The following FHIT variants were observed in gnomAD, a reference collection of about 807,000 sequenced individuals.
FHIT encodes the protein fragile histidine triad diadenosine triphosphatase, also known as bis(5'-adenosyl)-triphosphatase.
In FHIT, 19 loss-of-function variants were observed where a neutral mutation model predicts 17.9. The ratio of observed to expected loss-of-function variants is 1.06; its 90% CI spans 0.74 to 1.56. FHIT has a LOEUF of 1.56. Among genes scored for constraint, FHIT ranks in the 40% most tolerant of loss-of-function variants. The pLI, the probability that FHIT is intolerant of heterozygous loss-of-function variation, is 0.00. For synonymous variants in FHIT, 81 were observed against 69.7 expected (o/e 1.16, Z -0.81); for missense variants, 248 against 189.2 (o/e 1.31, Z -1.82).
At chr3:60,206,057 C>A (rs534020087) in intron 5 of FHIT, among the ~76,000 whole-genome samples, 68 of 149,920 alleles carry the variant, frequency 4.5e-4, no homozygotes, top group African/African-American at 1.5e-3. Flanking sequence ...GGCGTGAACC[C>A]GGGAGGCGGA....
intron 3 of FHIT, among the ~76,000 whole-genome samples, chr3:60,936,567 T>C (rs1559846312): frequency 6.6e-6 from 1 of 152,230 alleles, no homozygotes; most frequent in Admixed American, 6.5e-5. Flanking sequence ...AGAGTTAAAT[T>C]ATTGATCTAC....
chr3:59,748,619 T>TAAG lies in FHIT; in HGVS notation c.*963_*965dup, dbSNP rs1700721408. 6.6e-6 allele frequency among the ~76,000 whole-genome samples: 1 copy of TAAG among 152,008 alleles called. No individual in the cohort carries two copies. Among genetic ancestry groups the TAAG allele is most frequent in the Non-Finnish European group, 1.5e-5 (1 of 67,982 alleles). ...AGGCCAGTAGATAAGGTGAAGAGGC[T>TAAG]AAGAAGACTATTTGGAGGGTACAAG... is the stretch of plus-strand genomic sequence containing the variant. On this transcript the variant is annotated 3_prime_UTR_variant, in exon 10 of 10. Coordinates refer to ENST00000492590, the MANE Select transcript of FHIT (RefSeq NM_002012.4).
In FHIT at chr3:60,325,170, C is replaced by T. The variant is rs141174092; in HGVS notation, c.103+211690G>A. 3.7e-3 allele frequency among the ~76,000 whole-genome samples: 565 copies of T among 151,980 alleles called. 3 individuals are homozygous for T. Among genetic ancestry groups the T allele is most frequent in the African/African-American group, 0.013 (540 of 41,458 alleles). On this transcript the variant is annotated intron_variant, in intron 5 of 9. Transcript: ENST00000492590. ...TAGATGATTAAAGAAGAAAAACATA[C>T]CCTGGAAATGTAGAAATATGAAGCC... is the stretch of plus-strand genomic sequence containing the variant.
intron 1 of FHIT, among the ~76,000 whole-genome samples, chr3:61,236,242 TA>T (rs952266945): frequency 6.8e-6 from 1 of 147,756 alleles, no homozygotes. Context: ...TATAGATATA[TA>T]AATATAAATA....
At position 59,894,515 on chromosome 3, in the gene FHIT, A is replaced by C. The variant is rs544697921; in HGVS notation, c.348+27831T>G. ...GCCCATCAGGCTATCTGTGTTTCAG[A>C]ATCTGCTCCTCAACTCAAGTGTAAA... On this transcript the variant is annotated intron_variant, in intron 8 of 9. Coordinates refer to ENST00000492590, the MANE Select transcript of FHIT (RefSeq NM_002012.4). 3.9e-5 allele frequency among the ~76,000 whole-genome samples: 6 copies of C among 152,186 alleles called. No individual in the cohort carries two copies. The East Asian group carries it at 1.2e-3, about 29-fold the overall frequency.
intron 5 of FHIT, among the ~76,000 whole-genome samples, chr3:60,314,272 C>A (rs922106942): frequency 6.6e-6 from 1 of 152,084 alleles, no homozygotes; most frequent in African/African-American, 2.4e-5. Context: ...AAATCATGCT[C>A]TGACTACAGA....
At chr3:60,730,089 GTAGATGTGTCCCA>G in intron 4 of FHIT, 2 of 513,632 alleles carry the variant, frequency 3.9e-6, no homozygotes, top group South Asian at 3.1e-5. Context: ...TCTTCAGGTA[GTAGATGTGTCCCA>G]ATGTCATGGC....
intron 2 of FHIT, among the ~76,000 whole-genome samples, chr3:61,120,156 A>G (rs2036414507): frequency 6.6e-6 from 1 of 152,122 alleles, no homozygotes; most frequent in East Asian, 1.9e-4. Context: ...TACTTTATAC[A>G]CTAAGGCTAA....
At chr3:59,880,300 C>T (rs1160122237) in intron 8 of FHIT, among the ~76,000 whole-genome samples, 2 of 152,128 alleles carry the variant, frequency 1.3e-5, no homozygotes, top group Non-Finnish European at 2.9e-5. Context: ...TCTCTCTCCT[C>T]CCTGGCTCCT....
intron 5 of FHIT, among the ~76,000 whole-genome samples, chr3:60,274,645 C>T (rs1271078846): frequency 6.6e-6 from 1 of 152,140 alleles, no homozygotes; most frequent in Non-Finnish European, 1.5e-5. Context: ...AAGGTGGTAG[C>T]ACAGCTTTTT....
intron 4 of FHIT, among the ~76,000 whole-genome samples, chr3:60,542,927 T>C (rs958475385): frequency 3.3e-5 from 5 of 152,222 alleles, no homozygotes; most frequent in African/African-American, 1.2e-4. Context: ...ACTTTGTTTA[T>C]AGTATGAAAT....
chr3:60,960,063 G>T (rs75297519), intron 3 of FHIT, among the ~76,000 whole-genome samples: 1,987 of 148,110 alleles, frequency 0.013, 41 homozygotes, highest in African/African-American at 0.045. Flanking sequence ...TTTTGGGGCA[G>T]TTTTTTTTTT....
intron 5 of FHIT, among the ~76,000 whole-genome samples, chr3:60,461,541 T>C (rs2107412228): frequency 6.6e-6 from 1 of 152,340 alleles, no homozygotes; most frequent in South Asian, 2.1e-4. Context: ...AATCATAGGC[T>C]ATGCCGAAGC....
At chr3:61,008,615 G>C (rs1291375169) in intron 3 of FHIT, among the ~76,000 whole-genome samples, 3 of 152,192 alleles carry the variant, frequency 2.0e-5, no homozygotes, top group Admixed American at 2.0e-4. Context: ...CTTACTCTGT[G>C]ATGTCAGTAA....
chr3:60,036,394 T>C (rs924512119), intron 5 of FHIT, among the ~76,000 whole-genome samples: 1 of 152,194 alleles, frequency 6.6e-6, no homozygotes, highest in African/African-American at 2.4e-5. Context: ...CGTGTCTCTA[T>C]TGGAATTCCG....
At chr3:61,213,263 C>T (rs1320066650) in intron 1 of FHIT, among the ~76,000 whole-genome samples, 1 of 152,126 alleles carries the variant, frequency 6.6e-6, no homozygotes, top group Non-Finnish European at 1.5e-5. Context: ...GGAAACCCAT[C>T]TCACATGCAG....
intron 2 of FHIT, among the ~76,000 whole-genome samples, chr3:61,132,794 G>A (rs559534464): frequency 7.9e-5 from 12 of 152,196 alleles, no homozygotes; most frequent in Admixed American, 2.6e-4. Flanking sequence ...ATTCCAGAAC[G>A]TTAAGATCTT....
chr3:59,794,441 A>G (rs1161996475), intron 8 of FHIT, among the ~76,000 whole-genome samples: 2 of 152,142 alleles, frequency 1.3e-5, no homozygotes, highest in African/African-American at 2.4e-5. Flanking sequence ...CTCCATTGCT[A>G]CTTTTCATTT....
chr3:60,423,747 A>G (rs929469387), intron 5 of FHIT, among the ~76,000 whole-genome samples: 1 of 152,158 alleles, frequency 6.6e-6, no homozygotes, highest in African/African-American at 2.4e-5. Flanking sequence ...AATGCAGCTG[A>G]CCATTAGCAC....
Sources: allele counts gnomAD v4.1 joint callset (sites outside exome capture counted in the v4.1 genomes callset), GRCh38; gene constraint gnomAD v4.1.1; transcripts MANE v1.5; gene names NCBI Gene and HGNC (gene_info 2026-07-23, HGNC 2026-07-21).